The following C7orf33 variants were observed in gnomAD, a reference collection of about 807,000 sequenced individuals.
C7orf33 encodes chromosome 7 open reading frame 33.
In C7orf33, 15 loss-of-function variants were observed where a neutral mutation model predicts 13.4. That is an observed-to-expected ratio of 1.12 (90% CI 0.75 to 1.72). The LOEUF (loss-of-function observed/expected upper bound fraction) is 1.72. Among genes scored for constraint, C7orf33 ranks in the 40% most tolerant of loss-of-function variants. The pLI is 0.00. For synonymous variants in C7orf33, 73 were observed against 83.2 expected, an observed-to-expected ratio of 0.88 and a Z score of 0.67; for missense variants, 187 against 220.3, an observed-to-expected ratio of 0.85 and a Z score of 0.96.
chr7:148,591,859 A>T (rs921916474), intron 1 of C7orf33, among the ~76,000 whole-genome samples: 6 of 152,080 alleles, frequency 3.9e-5, no homozygotes, highest in African/African-American at 1.4e-4. Context: ...ACCCATGCCC[A>T]GCAAGACCTG....
chr7:148,601,545 C>G (rs114069651), intron 1 of C7orf33, among the ~76,000 whole-genome samples: 1 of 152,004 alleles, frequency 6.6e-6, no homozygotes, highest in African/African-American at 2.4e-5. Flanking sequence ...CAGGGTCTCA[C>G]CATGTTGCTC....
intron 1 of C7orf33, among the ~76,000 whole-genome samples, chr7:148,599,087 T>G (rs1004329906): frequency 1.3e-5 from 2 of 151,920 alleles, no homozygotes; most frequent in African/African-American, 2.4e-5. Context: ...GGTCTCAAAC[T>G]CTTGACCTCA....
At chr7:148,597,759 GTTTTGTTTTGTTT>G (rs909375961) in intron 1 of C7orf33, among the ~76,000 whole-genome samples, 2 of 151,800 alleles carry the variant, frequency 1.3e-5, no homozygotes, top group African/African-American at 4.8e-5. Context: ...GTTTTGTTTT[GTTTTGTTTTGTTT>G]TGAGACGGAA....
chr7:148,592,960 C>T (rs951055774), intron 1 of C7orf33, among the ~76,000 whole-genome samples: 3 of 152,070 alleles, frequency 2.0e-5, no homozygotes, highest in African/African-American at 7.2e-5. Flanking sequence ...CCTGCCTCAC[C>T]CTCCCCAGTA....
chr7:148,594,190 T>C (rs1036910762), intron 1 of C7orf33, among the ~76,000 whole-genome samples: 2 of 149,510 alleles, frequency 1.3e-5, no homozygotes, highest in Non-Finnish European at 3.0e-5. Flanking sequence ...TTTTTTTTTT[T>C]CTGAGACAGA....
chr7:148,600,232 G>A (rs1193117199), intron 1 of C7orf33, among the ~76,000 whole-genome samples: 1 of 152,218 alleles, frequency 6.6e-6, no homozygotes, highest in Non-Finnish European at 1.5e-5. Flanking sequence ...AATTTGGGAA[G>A]CCAAGGTGGG....
intron 1 of C7orf33, among the ~76,000 whole-genome samples, chr7:148,613,679 C>A (rs12704041): frequency 6.6e-6 from 1 of 151,898 alleles, no homozygotes; most frequent in Non-Finnish European, 1.5e-5. Flanking sequence ...GGGGAGTGAC[C>A]GCTAATGGGT....
chr7:148,601,755 G>A (rs1018530189), intron 1 of C7orf33, among the ~76,000 whole-genome samples: 8 of 151,436 alleles, frequency 5.3e-5, no homozygotes, highest in Non-Finnish European at 1.2e-4. Flanking sequence ...TTTTTGTTTT[G>A]TTTTGTTTTA....
chr7:148,606,736 A>G (rs1475007005), intron 1 of C7orf33, among the ~76,000 whole-genome samples: 1 of 152,054 alleles, frequency 6.6e-6, no homozygotes, highest in Non-Finnish European at 1.5e-5. Flanking sequence ...ACAGGCACCC[A>G]CCACCATGCC....
Position 148,591,176 on chromosome 7 carries a change from A to C in C7orf33, c.204+47A>C, listed in dbSNP as rs1000461173. ...GAATCAACTGCTCTTTGAGTCAGTC[A>C]GTATCTCTTGAGAATTCATTCACTC... On this transcript the variant is annotated intron_variant, in intron 1 of 2. Transcript: ENST00000307003. The C allele has an allele frequency of 2.1e-6, 3 of 1,457,278 alleles. No individual in the cohort carries two copies. The African/African-American group carries it at 4.2e-5, about 20-fold the overall frequency. The allele number at this position is 1,457,278 out of a possible 1,614,324, so 90.3% of individuals were successfully genotyped here. A position where few individuals can be genotyped will look rare whatever the true frequency, so the allele number is the denominator to read the frequency against.
Position 148,615,602 on chromosome 7 carries a change from A to G in C7orf33, c.*201A>G. 1 of 479,978 alleles carries G rather than the reference A, an allele frequency of 2.1e-6. No homozygotes were observed. The allele number at this position is 479,978 out of a possible 1,614,324, so 29.7% of individuals were successfully genotyped here. A position where few individuals can be genotyped will look rare whatever the true frequency, so the allele number is the denominator to read the frequency against. On this transcript the variant is annotated 3_prime_UTR_variant, in exon 3 of 3. Transcript: ENST00000307003. Reference sequence around the variant, plus strand: ...GAGCCCAAGTTCCACGTGTACCTGCAGGAATCTGTGTGGCATTTGTGCACT... The same window carrying G: ...GAGCCCAAGTTCCACGTGTACCTGCGGGAATCTGTGTGGCATTTGTGCACT...
In C7orf33 at chr7:148,615,667, C is replaced by T. The variant is rs1170115702; in HGVS notation, c.*266C>T. 5.4e-6 allele frequency: 2 copies of T among 370,104 alleles called. No homozygotes were observed. Among genetic ancestry groups the T allele is most frequent in the East Asian group, 5.3e-5 (1 of 18,868 alleles). The allele number at this position is 370,104 out of a possible 1,614,324, so 22.9% of individuals were successfully genotyped here. On this transcript the variant is annotated 3_prime_UTR_variant, in exon 3 of 3. Transcript: ENST00000307003. ...GAGAGGACCACGGAGTGACAAGCCA[C>T]CAGGTTCTAAAGGGAGACGAAGATC...
chr7:148,609,311 C>T (rs916149199), intron 1 of C7orf33, among the ~76,000 whole-genome samples: 28 of 152,264 alleles, frequency 1.8e-4, no homozygotes, highest in South Asian at 1.0e-3. Flanking sequence ...ATTCATAGAG[C>T]TCTTCAATTA....
At chr7:148,597,825 A>T (rs558337686) in intron 1 of C7orf33, among the ~76,000 whole-genome samples, 1 of 152,026 alleles carries the variant, frequency 6.6e-6, no homozygotes, top group Non-Finnish European at 1.5e-5. Context: ...GCGTGATCTC[A>T]GCTTACTGCA....
rs917801827 is a variant in C7orf33, at chr7:148,590,823, C to A, written c.-103C>A. The stretch of plus-strand genomic sequence containing the variant: ...CGAGGCGCCCAGCCTGTGTCTGAAT[C>A]CTCCTACTGACCCTGGGGATCCGTG... On this transcript the variant is annotated 5_prime_UTR_variant, in exon 1 of 3. Coordinates refer to ENST00000307003, the MANE Select transcript of C7orf33 (RefSeq NM_145304.4). 5 of 1,049,702 alleles carry A rather than the reference C, an allele frequency of 4.8e-6. No individual in the cohort carries two copies. In the African/African-American group the frequency reaches 6.3e-5, roughly 13 times the overall value. 65.0% of individuals were successfully genotyped at this position (1,049,702 alleles called of 1,614,324 possible). A position where few individuals can be genotyped will look rare whatever the true frequency, so the allele number is the denominator to read the frequency against.
At position 148,614,297 on chromosome 7, in the gene C7orf33, G is replaced by C; in HGVS notation, c.459+1G>C. ...GACAGTGACAAGTTCATACCTAAAC[G>C]TAAGCTCCGAAGTGTCTTAGCACCT... is the stretch of plus-strand genomic sequence containing the variant. On this transcript the variant is annotated splice_donor_variant, in intron 2 of 2. Coordinates refer to ENST00000307003, the MANE Select transcript of C7orf33 (RefSeq NM_145304.4). LOFTEE classifies it high-confidence loss of function. The C allele has an allele frequency of 4.3e-6, 7 of 1,613,562 alleles. No homozygotes were observed. Among genetic ancestry groups the C allele is most frequent in the Non-Finnish European group, 5.9e-6 (7 of 1,179,594 alleles).
At chr7:148,595,333 A>T (rs1195622497) in intron 1 of C7orf33, among the ~76,000 whole-genome samples, 2 of 139,928 alleles carry the variant, frequency 1.4e-5, no homozygotes, top group Non-Finnish European at 3.0e-5. Flanking sequence ...ATATCTATAT[A>T]ATATAGATCT....
In C7orf33 at chr7:148,607,095, T is replaced by G. The variant is rs181416727; in HGVS notation, c.205-6947T>G. Among the ~76,000 whole-genome samples, 9 of 152,274 alleles carry G rather than the reference T, an allele frequency of 5.9e-5. No homozygotes were observed. The East Asian group carries it at 1.5e-3, about 26-fold the overall frequency. ...AAATAGCTTTGAATTCCAGCTTGTA[T>G]AGCATCTTCAACAAAGAATAGTGAT... is the stretch of plus-strand genomic sequence containing the variant. On this transcript the variant is annotated intron_variant, in intron 1 of 2. Coordinates refer to ENST00000307003, the MANE Select transcript of C7orf33 (RefSeq NM_145304.4).
intron 1 of C7orf33, among the ~76,000 whole-genome samples, chr7:148,597,103 T>C (rs879409912): frequency 6.6e-6 from 1 of 152,090 alleles, no homozygotes; most frequent in Non-Finnish European, 1.5e-5. Flanking sequence ...GAGCCAATTA[T>C]GAATACAGCT....
Sources: allele counts gnomAD v4.1 joint callset (sites outside exome capture counted in the v4.1 genomes callset), GRCh38; gene constraint gnomAD v4.1.1; transcripts MANE v1.5; gene names NCBI Gene and HGNC (gene_info 2026-07-23, HGNC 2026-07-21).